TBXAS1: variants seen among roughly 807,000 people sequenced by gnomAD.
TBXAS1 encodes thromboxane-A synthase.
In TBXAS1, 48 loss-of-function variants were observed where a neutral mutation model predicts 60.7. That is an observed-to-expected ratio of 0.79 (90% CI 0.63 to 1.01). The LOEUF (loss-of-function observed/expected upper bound fraction) is 1.01. Among genes scored for constraint, TBXAS1 ranks in the 50% least tolerant of loss-of-function variants. The pLI is 0.00. For synonymous variants in TBXAS1, 287 were observed against 269.7 expected (o/e 1.06, Z -0.63); for missense variants, 685 against 686.3 (o/e 1.00, Z 0.02).
chr7:139,824,829 C>CTTTTT (rs1192880390), upstream of TBXAS1, among the ~76,000 whole-genome samples: 20 of 38,842 alleles, frequency 5.1e-4, no homozygotes, highest in Admixed American at 1.0e-3. Flanking sequence ...TTTTCCTTTT[C>CTTTTT]TTTTTTTTTT....
At position 140,004,443 on chromosome 7, in the gene TBXAS1, T is replaced by G. The variant is rs1265984422; in HGVS notation, c.1135-2648T>G. Among the ~76,000 whole-genome samples the G allele has an allele frequency of 6.6e-6, 1 of 152,230 alleles. No individual in the cohort carries two copies. The highest frequency in any genetic ancestry group is 1.9e-4 in the East Asian group (1 of 5,204). On this transcript the variant is annotated intron_variant, in intron 9 of 12. Transcript: ENST00000448866. The surrounding 1 kb of genome is among the most constrained non-coding windows in gnomAD (Gnocchi z 5.1). ...AACAATGCCAGTTTTAAATGTAAATTTCAGAGCGTTTAACTTATATGCAGA... is the reference window on the plus strand; with the variant it reads ...AACAATGCCAGTTTTAAATGTAAATGTCAGAGCGTTTAACTTATATGCAGA...
At chr7:139,970,188 C>A (rs1019132906) in intron 9 of TBXAS1, among the ~76,000 whole-genome samples, 1 of 152,222 alleles carries the variant, frequency 6.6e-6, no homozygotes, top group African/African-American at 2.4e-5. Flanking sequence ...CTCACTGCAG[C>A]CTCCATCTCC....
At chr7:139,815,081 G>GA (rs555497743) in intron 4 of TBXAS1, among the ~76,000 whole-genome samples, 1 of 152,212 alleles carries the variant, frequency 6.6e-6, no homozygotes, top group Non-Finnish European at 1.5e-5. Context: ...ATACTGATAA[G>GA]AAACAGGATT....
intron 6 of TBXAS1, among the ~76,000 whole-genome samples, chr7:139,954,053 G>A (rs1584943249): frequency 6.6e-6 from 1 of 151,556 alleles, no homozygotes. Context: ...TAGTGTTACT[G>A]TATTTTATGT....
At chr7:139,904,250 G>A (rs1362260970) in intron 3 of TBXAS1, among the ~76,000 whole-genome samples, 1 of 151,926 alleles carries the variant, frequency 6.6e-6, no homozygotes, top group Admixed American at 6.6e-5. Context: ...AAGATCAGTT[G>A]GTTGTAAGTA....
intron 9 of TBXAS1, among the ~76,000 whole-genome samples, chr7:139,966,686 G>T (rs1023297476): frequency 3.3e-5 from 5 of 152,148 alleles, no homozygotes; most frequent in Non-Finnish European, 7.3e-5. Flanking sequence ...ATGATACTTT[G>T]GACAGATCTC....
chr7:140,003,225 C>G (rs1399995819), intron 9 of TBXAS1, among the ~76,000 whole-genome samples: 1 of 149,638 alleles, frequency 6.7e-6, no homozygotes, highest in Non-Finnish European at 1.5e-5. Context: ...GTTTGTTTGT[C>G]TGTTTGTTTG....
At chr7:139,818,950 C>T (rs1157616109) in intron 4 of TBXAS1, among the ~76,000 whole-genome samples, 2 of 152,226 alleles carry the variant, frequency 1.3e-5, no homozygotes, top group Non-Finnish European at 2.9e-5. Context: ...TAGTCCCTCT[C>T]CATCCCTGAT....
chr7:139,915,628 G>C (rs1024956085), intron 4 of TBXAS1, among the ~76,000 whole-genome samples: 3 of 152,162 alleles, frequency 2.0e-5, no homozygotes, highest in Non-Finnish European at 4.4e-5. Flanking sequence ...TGGGAAGCTG[G>C]ATTTAGCTCT....
intron 3 of TBXAS1, among the ~76,000 whole-genome samples, chr7:139,784,034 T>C (rs1797093341): frequency 6.6e-6 from 1 of 151,264 alleles, no homozygotes; most frequent in Admixed American, 6.6e-5. Context: ...TTGTATTTTT[T>C]CCCAAAATTC....
chr7:139,829,114 A>G (rs1415734315), upstream of TBXAS1: 1 of 536,050 alleles, frequency 1.9e-6, no homozygotes, highest in Non-Finnish European at 3.5e-6. Flanking sequence ...TTCTTCTCTG[A>G]GGAAGTTAAT....
At chr7:139,956,437 C>G (rs573129379) in intron 7 of TBXAS1, among the ~76,000 whole-genome samples, 4 of 152,244 alleles carry the variant, frequency 2.6e-5, no homozygotes, top group African/African-American at 9.6e-5. Flanking sequence ...TGAGCCACCA[C>G]ACCAGGACTT....
chr7:139,883,376 T>C (rs1398265670), intron 3 of TBXAS1, among the ~76,000 whole-genome samples: 1 of 152,250 alleles, frequency 6.6e-6, no homozygotes, highest in Non-Finnish European at 1.5e-5. Context: ...CCTAATTTTC[T>C]GGACTTCTAA....
intron 4 of TBXAS1, among the ~76,000 whole-genome samples, chr7:139,808,284 G>A (rs557186582): frequency 1.3e-5 from 2 of 152,094 alleles, no homozygotes; most frequent in African/African-American, 4.8e-5. Context: ...ATTGTGGTGA[G>A]CTGAGATCAC....
intron 4 of TBXAS1, among the ~76,000 whole-genome samples, chr7:139,820,376 G>A (rs1158095489): frequency 6.6e-6 from 1 of 152,198 alleles, no homozygotes; most frequent in East Asian, 1.9e-4. Context: ...TGGGCCATGT[G>A]TGGTTAGCAA....
At chr7:139,892,934 C>T (rs144224243) in intron 3 of TBXAS1, among the ~76,000 whole-genome samples, 6 of 152,132 alleles carry the variant, frequency 3.9e-5, no homozygotes, top group Non-Finnish European at 7.4e-5. Flanking sequence ...GTCCTCTCCC[C>T]TCTTTGGGCC....
At chr7:139,830,962 G>C (rs1798664446) in intron 1 of TBXAS1, among the ~76,000 whole-genome samples, 1 of 151,906 alleles carries the variant, frequency 6.6e-6, no homozygotes, top group African/African-American at 2.4e-5. Flanking sequence ...CATTCAGCAG[G>C]GCAGCTATGT....
intron 1 of TBXAS1, among the ~76,000 whole-genome samples, chr7:139,844,663 C>T (rs1282092500): frequency 6.6e-6 from 1 of 152,206 alleles, no homozygotes; most frequent in African/African-American, 2.4e-5. Flanking sequence ...TCAGTAGGCA[C>T]CTGGGAACCC....
At chr7:139,805,102 C>G (rs1202292677) in intron 4 of TBXAS1, among the ~76,000 whole-genome samples, 2 of 152,212 alleles carry the variant, frequency 1.3e-5, no homozygotes, top group African/African-American at 2.4e-5. Context: ...TAGCAGGGAT[C>G]CTGGTGGTGC....
Sources: allele counts gnomAD v4.1 joint callset (sites outside exome capture counted in the v4.1 genomes callset), GRCh38; gene constraint gnomAD v4.1.1; non-coding constraint Gnocchi (gnomAD v3.1); transcripts MANE v1.5; gene names NCBI Gene and HGNC (gene_info 2026-07-23, HGNC 2026-07-21).